Variants in TP73 observed in about 807,000 individuals in gnomAD.
TP73 encodes the protein tumor protein p73.
In TP73, 25 loss-of-function variants were observed where a neutral mutation model predicts 62.5. The ratio of observed to expected loss-of-function variants is 0.40; its 90% confidence interval spans 0.29 to 0.56. The LOEUF (loss-of-function observed/expected upper bound fraction) is 0.56, where lower values mean the gene tolerates loss of function less well. Ranked by LOEUF, TP73 falls within the 20% of genes least tolerant of loss-of-function variation. TP73 has a pLI of 0.46. For missense variants in TP73, 754 were observed against 913.3 expected (o/e 0.83, Z 2.25); for synonymous variants, 423 against 377.5 (o/e 1.12, Z -1.40).
chr1:3,669,399 C>T (rs1318817728), intron 1 of TP73, among the ~76,000 whole-genome samples: 2 of 152,234 alleles, frequency 1.3e-5, no homozygotes, highest in African/African-American at 2.4e-5. Context: ...CCCCAAGTGG[C>T]ACATCAGGGC....
chr1:3,725,450 G>C (rs1367800066), intron 6 of TP73, among the ~76,000 whole-genome samples: 1 of 148,366 alleles, frequency 6.7e-6, no homozygotes, highest in East Asian at 2.1e-4. Flanking sequence ...TGGATGGATG[G>C]ATGGATAAAT....
intron 4 of TP73, among the ~76,000 whole-genome samples, chr1:3,710,322 C>T (rs1356768638): frequency 6.6e-6 from 1 of 152,102 alleles, no homozygotes; most frequent in Non-Finnish European, 1.5e-5. Flanking sequence ...ATTTTTGGCA[C>T]CTCAGCTCTC....
At chr1:3,731,332 C>T in intron 12 of TP73, 131 bp from the exon 13 acceptor site, 1 of 1,040,920 alleles carries the variant, frequency 9.6e-7, no homozygotes. Flanking sequence ...CCGTGGCCAC[C>T]TGTGGGCTGG....
chr1:3,726,177 TAATA>T (rs1641560886), intron 6 of TP73, among the ~76,000 whole-genome samples: 1 of 103,744 alleles, frequency 9.6e-6, no homozygotes, highest in African/African-American at 3.9e-5. Flanking sequence ...GATGGATAGA[TAATA>T]AATGGGGGGA....
intron 4 of TP73, among the ~76,000 whole-genome samples, chr1:3,718,170 C>CGGGGCCTGCACCG (rs1553143930): frequency 9.8e-5 from 15 of 152,326 alleles, no homozygotes; most frequent in Admixed American, 7.8e-4. Flanking sequence ...CCGCCTGCAC[C>CGGGGCCTGCACCG]GAGTACCAGG....
At chr1:3,687,799 T>C (rs1390832040) in intron 3 of TP73, among the ~76,000 whole-genome samples, 2 of 152,106 alleles carry the variant, frequency 1.3e-5, no homozygotes, top group African/African-American at 4.8e-5. Context: ...CAACAGGTGT[T>C]GTGGGCAGGT....
Position 3,736,156 on chromosome 1 carries a change from T to C in TP73, c.*3077T>C, listed in dbSNP as rs1570673958. ...TGTTATTTTTTTAGCTGTGTTTCAG[T>C]GGGGATTTTTGTTTTTGTAACATAA... On this transcript the variant is annotated 3_prime_UTR_variant, in exon 14 of 14. Transcript: ENST00000378295. 1 of 152,218 alleles carries C rather than the reference T, an allele frequency of 6.6e-6. No homozygotes were observed. Among genetic ancestry groups the C allele is most frequent in the South Asian group, 2.1e-4 (1 of 4,832 alleles). The allele number at this position is 152,218 out of a possible 1,614,324, so 9.4% of individuals were successfully genotyped here.
At chr1:3,710,060 G>A (rs1640001426) in intron 4 of TP73, among the ~76,000 whole-genome samples, 1 of 152,070 alleles carries the variant, frequency 6.6e-6, no homozygotes, top group Admixed American at 6.5e-5. Context: ...TTGCCCTGTG[G>A]GATGGGCTGG....
rs768650862 is a variant in TP73 at position 3,722,004 on chromosome 1, C to T, written c.430-17C>T. On this transcript the variant is annotated splice_polypyrimidine_tract_variant and intron_variant, in intron 4 of 13. Transcript: ENST00000378295. ...TTGGGACCACTGGTCTCACCCGCTC[C>T]CTCTCCCCCACTCCAGTACTCCCCG... 3.1e-6 allele frequency: 5 copies of T among 1,591,148 alleles called. No individual in the cohort carries two copies. The highest frequency in any genetic ancestry group is 1.1e-5 in the South Asian group (1 of 89,472).
At chr1:3,691,807 T>C (rs1645840614) in intron 3 of TP73, among the ~76,000 whole-genome samples, 1 of 152,160 alleles carries the variant, frequency 6.6e-6, no homozygotes, top group Admixed American at 6.5e-5. Context: ...AGCGGGCAGA[T>C]AGGCAGAGTC....
chr1:3,715,410 C>T (rs896051123), intron 4 of TP73, among the ~76,000 whole-genome samples: 7 of 152,210 alleles, frequency 4.6e-5, no homozygotes, highest in African/African-American at 1.7e-4. Flanking sequence ...ACCCCAGGCC[C>T]CAGGACCCAA....
intron 9 of TP73, 150 bp from the exon 10 acceptor site, chr1:3,729,177 A>C: frequency 1.9e-6 from 2 of 1,077,768 alleles, no homozygotes; most frequent in Non-Finnish European, 2.6e-6. Context: ...AAGAGGAAAG[A>C]AGATCAGGGG....
At chr1:3,682,462 C>G (rs1322338371) in intron 2 of TP73, 32 bp downstream of exon 2, 1 of 1,450,690 alleles carries the variant, frequency 6.9e-7, no homozygotes, top group Non-Finnish European at 9.2e-7. Context: ...GAGCTGGGGG[C>G]CCCCCTGGGA....
chr1:3,724,267 CA>C (rs1641328291), intron 6 of TP73, among the ~76,000 whole-genome samples: 1 of 152,036 alleles, frequency 6.6e-6, no homozygotes, highest in African/African-American at 2.4e-5. Context: ...ACCAGGCCCC[CA>C]GGGGAAGGCA....
At chr1:3,673,935 C>A (rs1043875059) in intron 1 of TP73, among the ~76,000 whole-genome samples, 1 of 152,134 alleles carries the variant, frequency 6.6e-6, no homozygotes, top group Non-Finnish European at 1.5e-5. Context: ...TTGCTCAGCT[C>A]CAGGTCAGGC....
chr1:3,660,425 C>A (rs1363875671), intron 1 of TP73, among the ~76,000 whole-genome samples: 1 of 152,200 alleles, frequency 6.6e-6, no homozygotes, highest in Non-Finnish European at 1.5e-5. Context: ...ATATGATATT[C>A]CGGTCAAACA....
rs1570671824 is a variant in TP73, at chr1:3,735,560, G to A, written c.*2481G>A. 1 of 152,378 alleles carries A rather than the reference G, an allele frequency of 6.6e-6. No individual in the cohort carries two copies. The highest frequency in any genetic ancestry group is 1.9e-4 in the East Asian group (1 of 5,188). 9.4% of individuals were successfully genotyped at this position (152,378 alleles called of 1,614,324 possible). ...AGAAGCAGCTGTGAAAGTAGACAGA[G>A]TTGAGACTTCGCCGTGGTCAGGAGA... is the stretch of plus-strand genomic sequence containing the variant. On this transcript the variant is annotated 3_prime_UTR_variant, in exon 14 of 14. Transcript: ENST00000378295.
At position 3,712,923 on chromosome 1, in the gene TP73, C is replaced by A. The variant is rs550554636; in HGVS notation, c.429+5132C>A. Among the ~76,000 whole-genome samples the A allele has an allele frequency of 2.8e-5, 4 of 142,088 alleles. No homozygotes were observed. In the South Asian group the frequency reaches 8.8e-4, roughly 31 times the overall value. The allele number at this position is 142,088 out of a possible 152,430, so 93.2% of individuals were successfully genotyped here. A position where few individuals can be genotyped will look rare whatever the true frequency, so the allele number is the denominator to read the frequency against. On this transcript the variant is annotated intron_variant, in intron 4 of 13. Coordinates refer to ENST00000378295, the MANE Select transcript of TP73 (RefSeq NM_005427.4). Reference sequence around the variant, plus strand: ...CTACAGGTCCCTGGACAGGTCCCCACGAGCAGCCCCTGCCCCCTGCCCCAC... The same window carrying A: ...CTACAGGTCCCTGGACAGGTCCCCAAGAGCAGCCCCTGCCCCCTGCCCCAC...
At chr1:3,680,523 C>T (rs1001779471) in intron 1 of TP73, among the ~76,000 whole-genome samples, 1 of 152,268 alleles carries the variant, frequency 6.6e-6, no homozygotes, top group Middle Eastern at 3.4e-3. Flanking sequence ...TTCTTTCCTC[C>T]GAGTCCAGCC....
Sources: gnomAD v4.1 joint callset for allele counts (sites outside exome capture counted in the v4.1 genomes callset) on GRCh38, gnomAD v4.1.1 for gene constraint, MANE v1.5 for transcripts, NCBI Gene and HGNC (gene_info 2026-07-23, HGNC 2026-07-21) for gene names.